Variants in NDRG2 observed in about 807,000 individuals in gnomAD.
NDRG2 encodes NDRG family member 2.
A neutral mutation model predicts 58.2 loss-of-function variants in NDRG2; 34 were observed. That is an observed-to-expected ratio of 0.58 (90% CI 0.44 to 0.78). The LOEUF (loss-of-function observed/expected upper bound fraction) is 0.78. NDRG2 is among the 30% of genes least tolerant of loss of function. The probability of loss-of-function intolerance (pLI) is 0.00; values close to 1 mark genes in which losing one functional copy is unlikely to be tolerated. For missense variants in NDRG2, 434 were observed against 471.2 expected (o/e 0.92, Z 0.73); for synonymous variants, 187 against 175.9 (o/e 1.06, Z -0.50).
In NDRG2 at chr14:21,023,227, C is replaced by T. The variant is rs201294399; in HGVS notation, c.75+14G>A. The stretch of plus-strand genomic sequence containing the variant: ...CTGGAATTTGGGCATGGGAGTCAAA[C>T]GGTCTCTAATAACCTTGGCCGCCTC... On this transcript the variant is annotated intron_variant, in intron 2 of 15. Coordinates refer to ENST00000556147, the MANE Select transcript of NDRG2 (RefSeq NM_001320329.2). 6 of 1,612,190 alleles carry T rather than the reference C, an allele frequency of 3.7e-6. No homozygotes were observed. In the African/African-American group the frequency reaches 4.0e-5, roughly 11 times the overall value.
chr14:21,052,371 A>G (rs1885504189), intron 1 of NDRG2, among the ~76,000 whole-genome samples: 1 of 152,236 alleles, frequency 6.6e-6, no homozygotes, highest in Non-Finnish European at 1.5e-5. Flanking sequence ...AATGAGTGAT[A>G]CTATGAAACA....
At chr14:21,038,199 G>A (rs1425244251) in intron 1 of NDRG2, among the ~76,000 whole-genome samples, 1 of 152,150 alleles carries the variant, frequency 6.6e-6, no homozygotes, top group East Asian at 1.9e-4. Context: ...CTGTGGGCTG[G>A]AGGCAATCCC....
chr14:21,069,971 C>T (rs1380333821), intron 1 of NDRG2, among the ~76,000 whole-genome samples: 1 of 152,198 alleles, frequency 6.6e-6, no homozygotes, highest in Non-Finnish European at 1.5e-5. Flanking sequence ...CTAAACTGAT[C>T]CCGCGGGGAG....
chr14:21,030,034 A>G (rs2139070341), upstream of NDRG2, among the ~76,000 whole-genome samples: 1 of 152,354 alleles, frequency 6.6e-6, no homozygotes, highest in East Asian at 1.9e-4. Context: ...GCTTGGCTGA[A>G]ATGATGGAAA....
intron 1 of NDRG2, chr14:21,036,322 G>A: frequency 4.4e-6 from 2 of 454,286 alleles, no homozygotes; most frequent in Non-Finnish European, 8.9e-6. Flanking sequence ...GCAATAGCTT[G>A]TTTCTCATAG....
intron 1 of NDRG2, chr14:21,042,328 C>T (rs1884934612): frequency 6.5e-6 from 1 of 153,500 alleles, no homozygotes; most frequent in Non-Finnish European, 1.5e-5. Flanking sequence ...CCCGGGCCAG[C>T]TCTTAAGGAG....
intron 1 of NDRG2, among the ~76,000 whole-genome samples, chr14:21,056,661 T>C (rs1353854419): frequency 6.6e-6 from 1 of 152,192 alleles, no homozygotes; most frequent in Non-Finnish European, 1.5e-5. Flanking sequence ...AGAGACACAC[T>C]CACTCTGCTC....
At chr14:21,030,525 C>G (rs754352033), upstream of NDRG2, 4 of 1,566,532 alleles carry the variant, frequency 2.6e-6, no homozygotes, top group South Asian at 1.2e-5. Context: ...CTCCCTCCCC[C>G]TTCTCCTTCA....
At chr14:21,037,787 A>T (rs1458281956) in intron 1 of NDRG2, among the ~76,000 whole-genome samples, 2 of 152,258 alleles carry the variant, frequency 1.3e-5, no homozygotes, top group Admixed American at 1.3e-4. Context: ...TACCAGAAAA[A>T]TGTGTATTGA....
chr14:21,022,518 A>G (rs1430432149), intron 3 of NDRG2, 21 bp from the exon 4 acceptor site: 1 of 1,578,426 alleles, frequency 6.3e-7, no homozygotes, highest in Admixed American at 1.7e-5. Flanking sequence ...ACAGGGCACC[A>G]AGAGCTAGGC....
chr14:21,048,689 T>C (rs1435684752), intron 1 of NDRG2, among the ~76,000 whole-genome samples: 5 of 152,198 alleles, frequency 3.3e-5, no homozygotes, highest in African/African-American at 1.2e-4. Flanking sequence ...GTGACTAGCA[T>C]GTAGGGAAAG....
In NDRG2 at chr14:21,070,683, C is replaced by G; in HGVS notation, c.24+145G>C. On this transcript the variant is annotated intron_variant, in intron 1 of 14. Coordinates refer to the NDRG2 transcript ENST00000403829. The surrounding 1 kb of genome is among the most constrained non-coding windows in gnomAD (Gnocchi z 4.7). ...AATCCACACACCTCCCCGCTCCCCG[C>G]CCTCCTCTGTCCTGACCTGTGCCTT... 1 of 963,980 alleles carries G rather than the reference C, an allele frequency of 1.0e-6. No individual in the cohort carries two copies. 59.7% of individuals were successfully genotyped at this position (963,980 alleles called of 1,614,324 possible).
intron 1 of NDRG2, chr14:21,032,079 G>A: frequency 6.2e-7 from 1 of 1,610,626 alleles, no homozygotes; most frequent in Non-Finnish European, 8.5e-7. Context: ...ACCAAGTAGA[G>A]AGGAGCTTCA....
intron 1 of NDRG2, among the ~76,000 whole-genome samples, chr14:21,040,732 T>C (rs1271464377): frequency 6.6e-6 from 1 of 152,230 alleles, no homozygotes; most frequent in African/African-American, 2.4e-5. Flanking sequence ...TTTGCAGTGC[T>C]AGTCTCTTCA....
At chr14:21,043,507 T>G in intron 1 of NDRG2, 1 of 1,310,116 alleles carries the variant, frequency 7.6e-7, no homozygotes. Context: ...CAATTCCCTC[T>G]CCAGGACTCC....
intron 1 of NDRG2, among the ~76,000 whole-genome samples, chr14:21,049,913 A>G (rs2139133464): frequency 1.3e-5 from 2 of 152,196 alleles, no homozygotes; most frequent in South Asian, 4.1e-4. Flanking sequence ...AGTAGCTGAG[A>G]TTACAGGTAT....
At position 21,022,825 on chromosome 14, in the gene NDRG2, G is replaced by C. The variant is rs372915982; in HGVS notation, c.117+39C>G. 259 of 1,603,592 alleles carry C rather than the reference G, an allele frequency of 1.6e-4. 3 individuals carry two copies. The African/African-American group carries it at 3.0e-3, about 19-fold the overall frequency. ...CATCCTTCTACTGGGGAAGAGGACA[G>C]CCCCTCCTCCCACCTTGGGACTGCC... On this transcript the variant is annotated intron_variant, in intron 3 of 15. Coordinates refer to ENST00000556147, the MANE Select transcript of NDRG2 (RefSeq NM_001320329.2).
intron 1 of NDRG2, among the ~76,000 whole-genome samples, chr14:21,044,463 T>G (rs1885053131): frequency 6.6e-6 from 1 of 152,220 alleles, no homozygotes; most frequent in African/African-American, 2.4e-5. Context: ...CTGAGCCTGC[T>G]TGTCACAAAC....
intron 1 of NDRG2, among the ~76,000 whole-genome samples, chr14:21,046,388 GAC>G (rs1407607513): frequency 6.6e-6 from 1 of 152,042 alleles, no homozygotes; most frequent in Non-Finnish European, 1.5e-5. Flanking sequence ...TGGGTATGAT[GAC>G]ACATGCCTGT....
Sources: allele counts gnomAD v4.1 joint callset (sites outside exome capture counted in the v4.1 genomes callset), GRCh38; gene constraint gnomAD v4.1.1; non-coding constraint Gnocchi (gnomAD v3.1); transcripts MANE v1.5; gene names NCBI Gene and HGNC (gene_info 2026-07-23, HGNC 2026-07-21).